Variants in DNAJC15 observed in about 807,000 individuals in gnomAD.
The protein encoded by DNAJC15 is dnaJ homolog subfamily C member 15.
A neutral mutation model predicts 22.4 loss-of-function variants in DNAJC15; 27 were observed. The ratio of observed to expected loss-of-function variants is 1.20; its 90% CI spans 0.89 to 1.66. The LOEUF is 1.66. DNAJC15 is among the 40% of genes most tolerant of loss of function. The pLI, the probability that DNAJC15 is intolerant of heterozygous loss-of-function variation, is 0.00. For synonymous variants in DNAJC15, 79 were observed against 63.2 expected, an observed-to-expected ratio of 1.25 and a Z score of -1.19; for missense variants, 208 against 187.1, an observed-to-expected ratio of 1.11 and a Z score of -0.65.
chr13:43,113,908 C>G lies in DNAJC15; in HGVS notation c.*6660C>G, dbSNP rs1317010593. 1 of 152,156 alleles carries G rather than the reference C, an allele frequency of 6.6e-6. No individual in the cohort carries two copies. Among genetic ancestry groups the G allele is most frequent in the Non-Finnish European group, 1.5e-5 (1 of 68,046 alleles). The allele number at this position is 152,156 out of a possible 1,614,324, so 9.4% of individuals were successfully genotyped here. A position where few individuals can be genotyped will look rare whatever the true frequency, so the allele number is the denominator to read the frequency against. ...AGAAATGCAGCCTTTCCTGGTTAAC[C>G]CTGCTTGGATCTGAGTTACACTTTG... On this transcript the variant is annotated 3_prime_UTR_variant, in exon 6 of 6. Transcript: ENST00000379221.
chr13:43,053,493 G>T (rs1206656694), intron 1 of DNAJC15, among the ~76,000 whole-genome samples: 2 of 152,142 alleles, frequency 1.3e-5, no homozygotes, highest in Non-Finnish European at 2.9e-5. Flanking sequence ...ATTGCTTTTG[G>T]CAGTACAGTC....
intron 1 of DNAJC15, among the ~76,000 whole-genome samples, chr13:43,056,801 T>C (rs2040533679): frequency 6.6e-6 from 1 of 152,226 alleles, no homozygotes. Context: ...TGCTTTGAAG[T>C]CTGTTTTGTC....
chr13:43,065,619 T>TA (rs1466656195), intron 1 of DNAJC15, 67 bp from the exon 2 acceptor site: 4 of 1,280,628 alleles, frequency 3.1e-6, no homozygotes, highest in Non-Finnish European at 4.5e-6. Flanking sequence ...TTCTCATTAT[T>TA]AAAAATGATT....
In DNAJC15 at chr13:43,114,002, A is replaced by G. The variant is rs905634725; in HGVS notation, c.*6754A>G. 5.9e-5 allele frequency: 9 copies of G among 152,226 alleles called. No homozygotes were observed. The highest frequency in any genetic ancestry group is 2.1e-4 in the South Asian group (1 of 4,824). 9.4% of individuals were successfully genotyped at this position (152,226 alleles called of 1,614,324 possible). On this transcript the variant is annotated 3_prime_UTR_variant, in exon 6 of 6. Coordinates refer to ENST00000379221, the MANE Select transcript of DNAJC15 (RefSeq NM_013238.3). ...TCTATCTCATTTTGTACTCGCTTAC[A>G]TACTACATTCTTGTTTGGGCTTTCG...
At chr13:43,085,538 A>G (rs2040683870) in intron 4 of DNAJC15, among the ~76,000 whole-genome samples, 1 of 152,116 alleles carries the variant, frequency 6.6e-6, no homozygotes, top group Non-Finnish European at 1.5e-5. Flanking sequence ...TTTTAAATTG[A>G]TTGAGAATAA....
At chr13:43,049,500 T>C (rs1390390616) in intron 1 of DNAJC15, among the ~76,000 whole-genome samples, 1 of 152,196 alleles carries the variant, frequency 6.6e-6, no homozygotes, top group Non-Finnish European at 1.5e-5. Flanking sequence ...TCAACAATAG[T>C]AAAATAGAGA....
rs1375601929 is a variant in DNAJC15, at chr13:43,108,465, C to G, written c.*1217C>G. 6.6e-6 allele frequency: 1 copy of G among 152,126 alleles called. No homozygotes were observed. Among genetic ancestry groups the G allele is most frequent in the East Asian group, 1.9e-4 (1 of 5,202 alleles). 9.4% of individuals were successfully genotyped at this position (152,126 alleles called of 1,614,324 possible). ...TCAGATAGAGTGCCAGCATTGTTTC[C>G]CAGTATTCCTTTACAAATCTTGGGT... is the stretch of plus-strand genomic sequence containing the variant. On this transcript the variant is annotated 3_prime_UTR_variant, in exon 6 of 6. Coordinates refer to ENST00000379221, the MANE Select transcript of DNAJC15 (RefSeq NM_013238.3).
At chr13:43,043,030 A>G (rs781054872) in intron 1 of DNAJC15, among the ~76,000 whole-genome samples, 1 of 152,238 alleles carries the variant, frequency 6.6e-6, no homozygotes, top group Non-Finnish European at 1.5e-5. Context: ...GCTGTCAGGA[A>G]GGACATGGTT....
intron 3 of DNAJC15, among the ~76,000 whole-genome samples, chr13:43,077,576 A>G (rs889461800): frequency 2.0e-5 from 3 of 152,168 alleles, no homozygotes; most frequent in African/African-American, 7.2e-5. Flanking sequence ...TTTCTATCCC[A>G]TGTCAACCAG....
chr13:43,089,437 A>C (rs978795529), intron 5 of DNAJC15, among the ~76,000 whole-genome samples: 1 of 152,224 alleles, frequency 6.6e-6, no homozygotes, highest in African/African-American at 2.4e-5. Context: ...GAGAGAGGCA[A>C]CTTTACATAG....
chr13:43,074,803 A>G, intron 3 of DNAJC15, among the ~76,000 whole-genome samples: 1 of 152,236 alleles, frequency 6.6e-6, no homozygotes, highest in East Asian at 1.9e-4. Flanking sequence ...ATGTGTAAAT[A>G]CAGTTGACCC....
At position 43,109,711 on chromosome 13, in the gene DNAJC15, T is replaced by TGG. The variant is rs1398815215; in HGVS notation, c.*2466_*2467dup. The TGG allele has an allele frequency of 6.6e-6, 1 of 151,468 alleles. No individual in the cohort carries two copies. Among genetic ancestry groups the TGG allele is most frequent in the Non-Finnish European group, 1.5e-5 (1 of 67,864 alleles). The allele number at this position is 151,468 out of a possible 1,614,324, so 9.4% of individuals were successfully genotyped here. ...TAATCCTACACACCGGGGCCTGTTGTGGGGCGGGGAGAGGGGGGAGGGATC... is the reference window on the plus strand; with the variant it reads ...TAATCCTACACACCGGGGCCTGTTGTGGGGGGCGGGGAGAGGGGGGAGGGATC... On this transcript the variant is annotated 3_prime_UTR_variant, in exon 6 of 6. Coordinates refer to ENST00000379221, the MANE Select transcript of DNAJC15 (RefSeq NM_013238.3).
At chr13:43,105,591 T>C (rs1005963706) in intron 5 of DNAJC15, among the ~76,000 whole-genome samples, 8 of 152,172 alleles carry the variant, frequency 5.3e-5, no homozygotes, top group Non-Finnish European at 1.5e-5. Context: ...TCAATAAGTA[T>C]AATATTTAAT....
intron 1 of DNAJC15, among the ~76,000 whole-genome samples, chr13:43,051,661 GTATA>G (rs1555274771): frequency 4.6e-4 from 36 of 78,084 alleles, no homozygotes; most frequent in South Asian, 3.4e-3. Context: ...GTGTGTGTGT[GTATA>G]TATATCACAT....
Position 43,053,595 on chromosome 13 carries a change from T to C in DNAJC15, c.109-12091T>C, listed in dbSNP as rs545332153. Among the ~76,000 whole-genome samples the C allele has an allele frequency of 2.0e-5, 3 of 152,334 alleles. No homozygotes were observed. In the South Asian group the frequency reaches 6.2e-4, roughly 32 times the overall value. ...TTTCTTTCAGCAGTCTTTTGTATGA[T>C]AGTTTTCCTTGTAGAGGTTTTTTAC... On this transcript the variant is annotated intron_variant, in intron 1 of 5. Coordinates refer to ENST00000379221, the MANE Select transcript of DNAJC15 (RefSeq NM_013238.3).
At chr13:43,105,103 A>G (rs549456339) in intron 5 of DNAJC15, among the ~76,000 whole-genome samples, 3 of 151,872 alleles carry the variant, frequency 2.0e-5, no homozygotes, top group Non-Finnish European at 2.9e-5. Context: ...TACAGGTTAC[A>G]TATTGTTGGA....
chr13:43,066,112 G>A (rs987305338), intron 2 of DNAJC15, among the ~76,000 whole-genome samples: 2 of 152,024 alleles, frequency 1.3e-5, no homozygotes, highest in Non-Finnish European at 2.9e-5. Flanking sequence ...TACATTTTAA[G>A]CTGTCAGTTC....
At chr13:43,031,323 C>T (rs1038631232) in intron 1 of DNAJC15, among the ~76,000 whole-genome samples, 1 of 152,244 alleles carries the variant, frequency 6.6e-6, no homozygotes, top group Non-Finnish European at 1.5e-5. Context: ...CTCCAAATGG[C>T]GGGTTAAGGA....
chr13:43,046,345 G>A (rs998730469), intron 1 of DNAJC15, among the ~76,000 whole-genome samples: 8 of 151,402 alleles, frequency 5.3e-5, no homozygotes, highest in South Asian at 2.1e-4. Flanking sequence ...CATAATTTCG[G>A]TCACCAGTAT....
Sources: allele counts gnomAD v4.1 joint callset (sites outside exome capture counted in the v4.1 genomes callset), GRCh38; gene constraint gnomAD v4.1.1; transcripts MANE v1.5; gene names NCBI Gene and HGNC (gene_info 2026-07-23, HGNC 2026-07-21).